The following SLC23A2 variants were observed in gnomAD, a reference collection of about 807,000 sequenced individuals.
SLC23A2 encodes the protein solute carrier family 23 member 2, also known as Na(+)/L-ascorbic acid transporter 2.
SLC23A2 carries 36 observed loss-of-function variants against 73.3 expected under a neutral mutation model. The observed-to-expected ratio is 0.49, with a 90% CI of 0.38 to 0.65. The LOEUF (loss-of-function observed/expected upper bound fraction) is 0.65, where lower values mean the gene tolerates loss of function less well. Among genes scored for constraint, SLC23A2 ranks in the 30% least tolerant of loss-of-function variants. The pLI is 0.00. For synonymous variants in SLC23A2, 343 were observed against 327.3 expected (o/e 1.05, Z -0.52); for missense variants, 507 against 841.6 (o/e 0.60, Z 4.92).
intron 2 of SLC23A2, among the ~76,000 whole-genome samples, chr20:4,945,318 TTGTC>T (rs1254444361): frequency 2.7e-5 from 4 of 150,292 alleles, no homozygotes; most frequent in Non-Finnish European, 5.9e-5. Context: ...GTTTGTTTGT[TTGTC>T]TTTTTTGAGA....
At chr20:4,924,618 A>G (rs1715369) in intron 3 of SLC23A2, among the ~76,000 whole-genome samples, 151,514 of 152,338 alleles carry the variant, frequency 0.99, 75,346 homozygotes, top group Middle Eastern at 1. Context: ...GGCCCACAAG[A>G]CCTATGGAAT....
Position 4,947,258 on chromosome 20 carries a change from G to C in SLC23A2, c.-154-14542C>G, listed in dbSNP as rs1030898164. Among the ~76,000 whole-genome samples, 2 of 152,206 alleles carry C rather than the reference G, an allele frequency of 1.3e-5. No homozygotes were observed. The highest frequency in any genetic ancestry group is 1.3e-4 in the Admixed American group (2 of 15,272). On this transcript the variant is annotated intron_variant, in intron 2 of 16. Transcript: ENST00000338244. This position sits in a 1 kb window ranked among gnomAD's most constrained non-coding sequence, Gnocchi z 4.4. The stretch of plus-strand genomic sequence containing the variant: ...CTTGGGGAAATCCCTGACTCGTTCA[G>C]GGAAATCTTGTGGCTGGGACGTGAA...
At chr20:4,962,358 T>C (rs1357534870) in intron 2 of SLC23A2, among the ~76,000 whole-genome samples, 3 of 152,038 alleles carry the variant, frequency 2.0e-5, no homozygotes, top group African/African-American at 7.2e-5. Flanking sequence ...AGCCACGTGA[T>C]TTCCTGTGGC....
At chr20:4,922,863 AAG>A (rs1361123186) in intron 3 of SLC23A2, among the ~76,000 whole-genome samples, 3 of 151,308 alleles carry the variant, frequency 2.0e-5, no homozygotes, top group South Asian at 4.2e-4. Context: ...ACACACACAC[AAG>A]TAAGAGATGG....
chr20:4,946,253 G>A (rs1340084728), intron 2 of SLC23A2, among the ~76,000 whole-genome samples: 1 of 152,150 alleles, frequency 6.6e-6, no homozygotes, highest in Middle Eastern at 3.2e-3. Flanking sequence ...CGAGCCCCAG[G>A]AGTAATGATC....
rs753186219 is a variant in SLC23A2, at chr20:4,954,713, AAAAG to A, written c.-155+16076_-155+16079del. Among the ~76,000 whole-genome samples the A allele has an allele frequency of 1.2e-3, 184 of 150,120 alleles. 1 individual carries two copies. Among genetic ancestry groups the A allele is most frequent in the Middle Eastern group, 3.4e-3 (1 of 294 alleles). ...GACTCCATCACAAAAAAAAAAAAAA[AAAAG>A]AAAGAAAGAAAGAAAGAAACCAAAA... On this transcript the variant is annotated intron_variant, in intron 2 of 16. Coordinates refer to ENST00000338244, the MANE Select transcript of SLC23A2 (RefSeq NM_005116.6).
intron 6 of SLC23A2, among the ~76,000 whole-genome samples, chr20:4,891,778 A>T: frequency 6.6e-6 from 1 of 152,224 alleles, no homozygotes; most frequent in East Asian, 1.9e-4. Context: ...GAGACAGGGT[A>T]TCGCTCTGTC....
intron 8 of SLC23A2, 34 bp downstream of exon 8, chr20:4,884,719 A>G: frequency 6.7e-7 from 1 of 1,503,258 alleles, no homozygotes; most frequent in East Asian, 2.3e-5. Flanking sequence ...AAGAAACATG[A>G]AGAAGCCAAA....
At chr20:4,880,139 T>C (rs1479331295) in intron 9 of SLC23A2, among the ~76,000 whole-genome samples, 1 of 152,176 alleles carries the variant, frequency 6.6e-6, no homozygotes, top group Non-Finnish European at 1.5e-5. Flanking sequence ...TGGTTCTCCT[T>C]TTGTATTAGT....
rs138833157 is a variant in SLC23A2 at position 4,912,961 on chromosome 20, G to A, written c.126C>T (p.Gly42=). ...TGTCCTGCTCACCGCTGGAGGTGGC[G>A]CCTCCATTTATCACCACCTGCAGAG... is the stretch of plus-strand genomic sequence containing the variant. ...FFTLPVVING[G]ATSSGEQDNE... Residue 42 remains glycine (G), a synonymous_variant, in exon 4 of 17, where the codon GGC becomes GGT. Coordinates refer to ENST00000338244, the MANE Select transcript of SLC23A2 (RefSeq NM_005116.6). 124 of 1,610,002 alleles carry A rather than the reference G, an allele frequency of 7.7e-5. No homozygotes were observed. In the East Asian group the frequency reaches 9.1e-4, roughly 12 times the overall value.
rs534010313 is a variant in SLC23A2, at chr20:4,899,484, G to A, written c.482+71C>T. On this transcript the variant is annotated intron_variant, in intron 6 of 16. Coordinates refer to ENST00000338244, the MANE Select transcript of SLC23A2 (RefSeq NM_005116.6). The surrounding 1 kb of genome is among the most constrained non-coding windows in gnomAD (Gnocchi z 4.9). ...TTGCCAACAGCCCTAGGCAAACGGC[G>A]CAGCTCAATGCCTTCTGCGCTCAAT... The A allele has an allele frequency of 5.2e-4, 781 of 1,508,290 alleles. 3 individuals are homozygous for A. The East Asian group carries it at 6.2e-3, about 12-fold the overall frequency. 93.4% of individuals were successfully genotyped at this position (1,508,290 alleles called of 1,614,324 possible). A position where few individuals can be genotyped will look rare whatever the true frequency, so the allele number is the denominator to read the frequency against.
At chr20:4,858,851 C>A (rs1271541377) in intron 16 of SLC23A2, among the ~76,000 whole-genome samples, 2 of 152,158 alleles carry the variant, frequency 1.3e-5, no homozygotes, top group East Asian at 3.9e-4. Flanking sequence ...GCCTTCTGGT[C>A]TTAGTTGGCT....
At position 4,902,518 on chromosome 20, in the gene SLC23A2, T is replaced by C. The variant is rs766025267; in HGVS notation, c.248A>G (p.Asp83Gly). 20 of 1,612,458 alleles carry C rather than the reference T, an allele frequency of 1.2e-5. No homozygotes were observed. Among genetic ancestry groups the C allele is most frequent in the Non-Finnish European group, 1.6e-5 (19 of 1,179,126 alleles). The change falls in exon 5 of 17, where the codon GAC becomes GGC. Residue 83 changes from aspartate (D) to glycine (G), a missense_variant. Coordinates refer to ENST00000338244, the MANE Select transcript of SLC23A2 (RefSeq NM_005116.6). This position sits in a 1 kb window ranked among gnomAD's most constrained non-coding sequence, Gnocchi z 4.0. ...AETLDSTGSL[D>G]PQRSDMIYTI... is the part of the protein sequence containing the mutation. ...ATAAATCATGTCTGATCGCTGGGGG[T>C]CCAGACTGCCAGTGCTATCCAGGGT...
At chr20:4,954,814 G>A (rs372544585) in intron 2 of SLC23A2, among the ~76,000 whole-genome samples, 14 of 151,582 alleles carry the variant, frequency 9.2e-5, no homozygotes, top group African/African-American at 3.4e-4. Context: ...AAAAGTCCTC[G>A]AAAAGAACCC....
At chr20:4,926,885 T>C (rs898532556) in intron 3 of SLC23A2, among the ~76,000 whole-genome samples, 3 of 152,042 alleles carry the variant, frequency 2.0e-5, no homozygotes, top group African/African-American at 4.8e-5. Context: ...ATAAGATCCT[T>C]ATCAGCCACA....
At position 4,874,016 on chromosome 20, in the gene SLC23A2, G is replaced by A. The variant is rs1338214671; in HGVS notation, c.1022C>T (p.Thr341Ile). The A allele has an allele frequency of 3.7e-6, 6 of 1,614,162 alleles. No homozygotes were observed. Among genetic ancestry groups the A allele is most frequent in the Non-Finnish European group, 5.1e-6 (6 of 1,180,010 alleles). The change falls in exon 11 of 17, where the codon ACA becomes ATA. Residue 341 changes from threonine to isoleucine, a missense_variant. Physicochemically the swap from Thr to Ile is moderately conservative, Grantham distance 89. This residue lies in a region of SLC23A2 where 217 missense variants were observed against 398.0 expected (regional missense o/e 0.55). Transcript: ENST00000338244. ...TVTDVFPPDS[T>I]KYGFYARTDA... ...TGTGCGAGCATAGAAGCCATACTTT[G>A]TGCTGTCGGGAGGGAAGACATCTGT...
At chr20:4,884,486 G>A (rs1358181877) in intron 8 of SLC23A2, among the ~76,000 whole-genome samples, 1 of 152,230 alleles carries the variant, frequency 6.6e-6, no homozygotes, top group African/African-American at 2.4e-5. Context: ...ACGAACCTCA[G>A]CTAGCTGTGC....
intron 6 of SLC23A2, among the ~76,000 whole-genome samples, chr20:4,896,107 G>A (rs534576458): frequency 4.6e-5 from 7 of 152,294 alleles, no homozygotes; most frequent in African/African-American, 1.4e-4. Flanking sequence ...AGAGACGTGG[G>A]GGGGATGAGA....
intron 4 of SLC23A2, among the ~76,000 whole-genome samples, chr20:4,906,401 C>T (rs1482814194): frequency 6.6e-6 from 1 of 151,966 alleles, no homozygotes; most frequent in Non-Finnish European, 1.5e-5. Context: ...CAAGGCAGGC[C>T]AATCACTTGA....
Sources: gnomAD v4.1 joint callset for allele counts (sites outside exome capture counted in the v4.1 genomes callset) on GRCh38, gnomAD v4.1.1 for gene constraint, gnomAD v4.1.1 regional missense constraint, Gnocchi (gnomAD v3.1) non-coding constraint, MANE v1.5 for transcripts, NCBI Gene and HGNC (gene_info 2026-07-23, HGNC 2026-07-21) for gene names.